The following FAM222B variants were observed in gnomAD, a reference collection of about 807,000 sequenced individuals.
The protein encoded by FAM222B is protein FAM222B.
FAM222B carries 12 observed loss-of-function variants against 38.0 expected under a neutral mutation model. That is an observed-to-expected ratio of 0.32 (90% CI 0.20 to 0.51). The LOEUF (loss-of-function observed/expected upper bound fraction) is 0.51, where lower values mean the gene tolerates loss of function less well. FAM222B is among the 20% of genes least tolerant of loss of function. The pLI is 0.97. For synonymous variants in FAM222B, 329 were observed against 317.2 expected, an observed-to-expected ratio of 1.04 and a Z score of -0.40; for missense variants, 716 against 754.2, an observed-to-expected ratio of 0.95 and a Z score of 0.59.
intron 1 of FAM222B, among the ~76,000 whole-genome samples, chr17:28,827,475 T>G (rs114300416): frequency 1.8e-3 from 274 of 152,312 alleles, no homozygotes; most frequent in African/African-American, 6.2e-3. Context: ...GCATTCTATT[T>G]AATAGAATGA....
chr17:28,766,877 G>A (rs543347104), intron 1 of FAM222B, 170 bp from the exon 2 acceptor site: 1 of 540,198 alleles, frequency 1.9e-6, no homozygotes, highest in East Asian at 3.0e-5. Context: ...ACGACAATTT[G>A]CTGTCAAATA....
At chr17:28,790,883 A>AAATTTTTTTTTTTTTTTT (rs1567838640) in intron 1 of FAM222B, among the ~76,000 whole-genome samples, 1 of 8,910 alleles carries the variant, frequency 1.1e-4, no homozygotes, top group African/African-American at 5.4e-4. Flanking sequence ...AAATTGTTTC[A>AAATTTTTTTTTTTTTTTT]CTTTTTTTTT....
chr17:28,784,491 TAAAA>T (rs559624246), intron 1 of FAM222B, among the ~76,000 whole-genome samples: 28 of 36,028 alleles, frequency 7.8e-4, no homozygotes, highest in African/African-American at 1.2e-3. Context: ...TCCCCTCTCT[TAAAA>T]AAAAAAAAAA....
upstream of FAM222B, among the ~76,000 whole-genome samples, chr17:28,843,792 G>A (rs1450450347): frequency 6.6e-6 from 1 of 152,028 alleles, no homozygotes; most frequent in Non-Finnish European, 1.5e-5. Context: ...AATGTATCGG[G>A]GGTAATTATG....
intron 1 of FAM222B, among the ~76,000 whole-genome samples, chr17:28,770,817 G>A (rs1430333842): frequency 3.3e-5 from 5 of 152,018 alleles, no homozygotes; most frequent in Non-Finnish European, 5.9e-5. Flanking sequence ...TGATCTGCCC[G>A]CCTCAGCCTC....
chr17:28,827,464 T>C (rs1011238983), intron 1 of FAM222B, among the ~76,000 whole-genome samples: 1 of 152,174 alleles, frequency 6.6e-6, no homozygotes, highest in South Asian at 2.1e-4. Context: ...GTAAGGAACA[T>C]GCATTCTATT....
chr17:28,794,952 G>C (rs1405909811), intron 1 of FAM222B, among the ~76,000 whole-genome samples: 1 of 152,016 alleles, frequency 6.6e-6, no homozygotes, highest in Non-Finnish European at 1.5e-5. Context: ...AATTAGACAG[G>C]TGTGGTGGCA....
chr17:28,830,752 G>A (rs1341639536), intron 1 of FAM222B, among the ~76,000 whole-genome samples: 1 of 151,662 alleles, frequency 6.6e-6, no homozygotes, highest in East Asian at 1.9e-4. Flanking sequence ...GTGGAAGGCT[G>A]AGGTAAGCAG....
At chr17:28,789,429 A>G (rs1307702853) in intron 1 of FAM222B, among the ~76,000 whole-genome samples, 1 of 151,568 alleles carries the variant, frequency 6.6e-6, no homozygotes, top group Non-Finnish European at 1.5e-5. Flanking sequence ...GAACTCCTGA[A>G]CGATCCACCT....
At chr17:28,840,424 TC>T in intron 1 of FAM222B, among the ~76,000 whole-genome samples, 1 of 152,284 alleles carries the variant, frequency 6.6e-6, no homozygotes, top group East Asian at 1.9e-4. Flanking sequence ...TAGTTTGTCC[TC>T]TGCTTTGTCT....
At position 28,758,370 on chromosome 17, in the gene FAM222B, C is replaced by T. The variant is rs772740317; in HGVS notation, c.1589G>A (p.Ser530Asn). 9.3e-6 allele frequency: 15 copies of T among 1,613,774 alleles called. No individual in the cohort carries two copies. Among genetic ancestry groups the T allele is most frequent in the Non-Finnish European group, 1.3e-5 (15 of 1,179,804 alleles). ...GTGGGCCTTGCTCAGCATGGCCAGG[C>T]TCTGTTCTCGGAAGCAGGCCTGTTG... ...DFQQACFREQSLAMLSKAHRA... is the reference protein window; with the variant it reads ...DFQQACFREQNLAMLSKAHRA... The change falls in exon 3 of 3, where the codon AGC becomes AAC. Residue 530 changes from serine to asparagine, a missense_variant. By Grantham distance (46) the Ser-to-Asn change is conservative. Transcript: ENST00000581407.
chr17:28,817,616 G>A (rs2038071094), intron 1 of FAM222B, among the ~76,000 whole-genome samples: 1 of 152,152 alleles, frequency 6.6e-6, no homozygotes, highest in Non-Finnish European at 1.5e-5. Flanking sequence ...CTACTCGGGA[G>A]GCTGAGGCAG....
intron 1 of FAM222B, among the ~76,000 whole-genome samples, chr17:28,819,706 G>A (rs1449402283): frequency 6.6e-6 from 1 of 152,094 alleles, no homozygotes; most frequent in Admixed American, 6.6e-5. Context: ...GCCTATGAAT[G>A]TAAAACAGTT....
At chr17:28,845,979 G>A (rs1282613645), upstream of FAM222B, among the ~76,000 whole-genome samples, 5 of 138,152 alleles carry the variant, frequency 3.6e-5, no homozygotes, top group East Asian at 1.1e-3. Flanking sequence ...CAAGGCGGGT[G>A]GATCACGAGG....
At chr17:28,837,440 A>AAAAT (rs890544799) in intron 1 of FAM222B, among the ~76,000 whole-genome samples, 4 of 150,996 alleles carry the variant, frequency 2.6e-5, no homozygotes, top group African/African-American at 7.3e-5. Context: ...AAAAAAAAAA[A>AAAAT]AAATAAATAA....
intron 1 of FAM222B, among the ~76,000 whole-genome samples, chr17:28,820,160 G>A (rs770243135): frequency 2.0e-5 from 3 of 152,306 alleles, no homozygotes; most frequent in East Asian, 1.9e-4. Context: ...TTCCCAGCAC[G>A]TCAGCAGACT....
upstream of FAM222B, among the ~76,000 whole-genome samples, chr17:28,847,213 C>T (rs772015159): frequency 6.7e-6 from 1 of 149,774 alleles, no homozygotes; most frequent in African/African-American, 2.5e-5. Context: ...ACAGAGACTC[C>T]GTCTCAAAAG....
In FAM222B at chr17:28,768,810, C is replaced by G. The variant is rs574312500; in HGVS notation, c.-40-2103G>C. ...GAGGCTGCGCCACTGCACTCCAGCC[C>G]GGGCCACAAGAGTAAAACTCTGTCT... is the stretch of plus-strand genomic sequence containing the variant. On this transcript the variant is annotated intron_variant, in intron 1 of 2. Coordinates refer to ENST00000581407, the MANE Select transcript of FAM222B (RefSeq NM_001077498.3). 7.2e-4 allele frequency among the ~76,000 whole-genome samples: 103 copies of G among 143,176 alleles called. 1 individual carries two copies. The highest frequency in any genetic ancestry group is 2.5e-3 in the African/African-American group (97 of 38,366). The allele number at this position is 143,176 out of a possible 152,430, so 93.9% of individuals were successfully genotyped here.
intron 1 of FAM222B, among the ~76,000 whole-genome samples, chr17:28,777,471 T>C (rs1312899893): frequency 6.6e-6 from 1 of 152,202 alleles, no homozygotes; most frequent in Non-Finnish European, 1.5e-5. Flanking sequence ...TCTTTATTAT[T>C]CAGGTACCAG....
Sources: gnomAD v4.1 joint callset for allele counts (sites outside exome capture counted in the v4.1 genomes callset) on GRCh38, gnomAD v4.1.1 for gene constraint, MANE v1.5 for transcripts, NCBI Gene and HGNC (gene_info 2026-07-23, HGNC 2026-07-21) for gene names.